The following IWS1 variants were observed in gnomAD, a reference collection of about 807,000 sequenced individuals.
IWS1 encodes the protein protein IWS1 homolog.
A neutral mutation model predicts 86.7 loss-of-function variants in IWS1; 27 were observed. That is an observed-to-expected ratio of 0.31 (90% CI 0.23 to 0.43). The LOEUF (loss-of-function observed/expected upper bound fraction) is 0.43. Ranked by LOEUF, IWS1 falls within the 20% of genes least tolerant of loss-of-function variation. The pLI is 1.00. For synonymous variants in IWS1, 313 were observed against 335.1 expected (o/e 0.93, Z 0.72); for missense variants, 827 against 1,000.8 (o/e 0.83, Z 2.34).
intron 2 of IWS1, among the ~76,000 whole-genome samples, chr2:127,520,878 T>C (rs1412630821): frequency 1.3e-5 from 2 of 152,240 alleles, no homozygotes; most frequent in Non-Finnish European, 2.9e-5. Context: ...TGCATCCATA[T>C]TGTGAAACCA....
chr2:127,518,858 C>A (rs1691926087), intron 2 of IWS1, among the ~76,000 whole-genome samples: 1 of 152,112 alleles, frequency 6.6e-6, no homozygotes, highest in Non-Finnish European at 1.5e-5. Context: ...GCGTCAGTCA[C>A]CGCACCCGGC....
chr2:127,516,943 A>T (rs921347185), intron 2 of IWS1, among the ~76,000 whole-genome samples: 14 of 152,216 alleles, frequency 9.2e-5, no homozygotes, highest in African/African-American at 3.4e-4. Context: ...CCCCACTACA[A>T]TGAAATAAGA....
rs560138032 is a variant in IWS1 at position 127,517,335 on chromosome 2, T to C, written c.150+6341A>G. ...ACAAATTAGGACTCATACTCTCCAATATCAAAACATACTACAAAGCAATAG... is the reference window on the plus strand; with the variant it reads ...ACAAATTAGGACTCATACTCTCCAACATCAAAACATACTACAAAGCAATAG... On this transcript the variant is annotated intron_variant, in intron 2 of 13. Coordinates refer to ENST00000295321, the MANE Select transcript of IWS1 (RefSeq NM_017969.3). Among the ~76,000 whole-genome samples, 4 of 152,284 alleles carry C rather than the reference T, an allele frequency of 2.6e-5. No individual in the cohort carries two copies. In the South Asian group the frequency reaches 8.3e-4, roughly 32 times the overall value.
At chr2:127,494,667 A>C in intron 8 of IWS1, 1 of 376,016 alleles carries the variant, frequency 2.7e-6, no homozygotes, top group Non-Finnish European at 4.8e-6. Flanking sequence ...CGTTAGTATC[A>C]ATTTTTTATT....
At chr2:127,483,591 T>TGGG (rs1187157658) in intron 13 of IWS1, among the ~76,000 whole-genome samples, 2 of 17,518 alleles carry the variant, frequency 1.1e-4, no homozygotes, top group South Asian at 2.3e-3. Context: ...GGTGGTGGGG[T>TGGG]GGGGGGGTTG....
Position 127,483,571 on chromosome 2 carries a change from CGGGGCGGGGGGTGGTGGGGT to C in IWS1, c.2329-2416_2329-2397del, listed in dbSNP as rs1436157232. Among the ~76,000 whole-genome samples, 5 of 20,188 alleles carry C rather than the reference CGGGGCGGGGGGTGGTGGGGT, an allele frequency of 2.5e-4. 2 individuals are homozygous for C. Among genetic ancestry groups the C allele is most frequent in the Non-Finnish European group, 4.2e-4 (5 of 12,012 alleles). 13.2% of individuals were successfully genotyped at this position (20,188 alleles called of 152,430 possible). A position where few individuals can be genotyped will look rare whatever the true frequency, so the allele number is the denominator to read the frequency against. ...AAAATAACCAAAATTATAATTTGGT[CGGGGCGGGGGGTGGTGGGGT>C]GGGGGGGTTGGGCTGTGTGTGTGTG... On this transcript the variant is annotated intron_variant, in intron 13 of 13. Transcript: ENST00000295321.
At chr2:127,481,222 G>A in intron 13 of IWS1, 47 bp from the exon 14 acceptor site, 1 of 1,526,790 alleles carries the variant, frequency 6.5e-7, no homozygotes, top group Non-Finnish European at 8.8e-7. Flanking sequence ...AAATACGTAA[G>A]TCTAGTTATG....
rs373925262 is a variant in IWS1, at chr2:127,489,825, C to G, written c.2159+7G>C. ...TATTCCACTTACTCATACCTGTTCC[C>G]TCATACCTGTTCATTCTTCGTCGTT... On this transcript the variant is annotated splice_region_variant and intron_variant, in intron 11 of 13. Transcript: ENST00000295321. This position sits in a 1 kb window ranked among gnomAD's most constrained non-coding sequence, Gnocchi z 4.8. 4.6e-5 allele frequency: 69 copies of G among 1,494,500 alleles called. No homozygotes were observed. Among genetic ancestry groups the G allele is most frequent in the Non-Finnish European group, 5.8e-5 (62 of 1,071,310 alleles). The allele number at this position is 1,494,500 out of a possible 1,614,324, so 92.6% of individuals were successfully genotyped here.
At chr2:127,495,784 G>A (rs1380159156) in intron 7 of IWS1, among the ~76,000 whole-genome samples, 3 of 152,086 alleles carry the variant, frequency 2.0e-5, no homozygotes, top group Non-Finnish European at 4.4e-5. Flanking sequence ...CACCTAAAAC[G>A]TTTCATTTTA....
At position 127,489,864 on chromosome 2, in the gene IWS1, T is replaced by C. The variant is rs746699525; in HGVS notation, c.2127A>G (p.Leu709=). 14 of 1,612,034 alleles carry C rather than the reference T, an allele frequency of 8.7e-6. No homozygotes were observed. Among genetic ancestry groups the C allele is most frequent in the Non-Finnish European group, 8.5e-7 (1 of 1,178,042 alleles). ...MTREEREQRD[L]EQMPQRRRMN... is the part of the protein sequence containing the mutation. ...TTCTTCGTCGTTGAGGCATCTGTTC[T>C]AGATCTCTCTGCTCCCTTTCTTCTC... The change falls in exon 11 of 14, where the codon CTA becomes CTG. Residue 709 remains leucine (L), a synonymous_variant. Coordinates refer to ENST00000295321, the MANE Select transcript of IWS1 (RefSeq NM_017969.3). The surrounding 1 kb of genome is among the most constrained non-coding windows in gnomAD (Gnocchi z 4.8).
Position 127,489,601 on chromosome 2 carries a change from G to C in IWS1, c.2159+231C>G. On this transcript the variant is annotated intron_variant, in intron 11 of 13. Transcript: ENST00000295321. The surrounding 1 kb of genome is among the most constrained non-coding windows in gnomAD (Gnocchi z 4.8). ...GAACAACACAAGCAATCAGTATCCT[G>C]AAACAGGCCCTGTTCCAACAAACTG... The C allele has an allele frequency of 3.7e-6, 2 of 542,012 alleles. No homozygotes were observed. The highest frequency in any genetic ancestry group is 6.5e-6 in the Non-Finnish European group (2 of 307,330). The allele number at this position is 542,012 out of a possible 1,614,324, so 33.6% of individuals were successfully genotyped here.
At chr2:127,520,611 C>A (rs749770958) in intron 2 of IWS1, among the ~76,000 whole-genome samples, 4 of 152,184 alleles carry the variant, frequency 2.6e-5, no homozygotes, top group Non-Finnish European at 5.9e-5. Context: ...AACACTTATA[C>A]ACAGTACAAC....
At chr2:127,488,341 T>C (rs1018073617) in intron 12 of IWS1, among the ~76,000 whole-genome samples, 1 of 152,232 alleles carries the variant, frequency 6.6e-6, no homozygotes, top group African/African-American at 2.4e-5. Context: ...TCATTAGGCA[T>C]GTCACATTTA....
chr2:127,483,625 CGTGTGCGT>C (rs771366643), intron 13 of IWS1, among the ~76,000 whole-genome samples: 1,533 of 44,696 alleles, frequency 0.034, 101 homozygotes, highest in African/African-American at 0.094. Flanking sequence ...TGTGTGTGTG[CGTGTGCGT>C]GTGTGTGTGT....
At chr2:127,522,614 ATC>A (rs1692160053) in intron 2 of IWS1, among the ~76,000 whole-genome samples, 2 of 152,252 alleles carry the variant, frequency 1.3e-5, no homozygotes, top group South Asian at 4.1e-4. Flanking sequence ...AGTCAATATA[ATC>A]TCTAATCACA....
At chr2:127,503,296 C>A (rs1486663798) in intron 4 of IWS1, 91 bp downstream of exon 4, 12 of 892,130 alleles carry the variant, frequency 1.3e-5, no homozygotes, top group Non-Finnish European at 2.0e-5. Context: ...CAAAGACATG[C>A]AATTAGGCAG....
chr2:127,516,575 C>A (rs1691787779), intron 2 of IWS1, among the ~76,000 whole-genome samples: 1 of 152,146 alleles, frequency 6.6e-6, no homozygotes, highest in East Asian at 1.9e-4. Flanking sequence ...CCAGCCTGGG[C>A]AACATAGCAA....
intron 13 of IWS1, among the ~76,000 whole-genome samples, chr2:127,481,585 G>T (rs1274172678): frequency 6.6e-6 from 1 of 152,146 alleles, no homozygotes; most frequent in African/African-American, 2.4e-5. Context: ...AAAAAAGAAT[G>T]ACCTAAAGCA....
At chr2:127,513,470 A>AATTT (rs1691582676) in intron 2 of IWS1, among the ~76,000 whole-genome samples, 1 of 152,196 alleles carries the variant, frequency 6.6e-6, no homozygotes, top group Non-Finnish European at 1.5e-5. Flanking sequence ...CTATCTTTCC[A>AATTT]TGTATGCTTC....
Sources: allele counts gnomAD v4.1 joint callset (sites outside exome capture counted in the v4.1 genomes callset), GRCh38; gene constraint gnomAD v4.1.1; non-coding constraint Gnocchi (gnomAD v3.1); transcripts MANE v1.5; gene names NCBI Gene and HGNC (gene_info 2026-07-23, HGNC 2026-07-21).